The following ALCAM variants were observed in gnomAD, a reference collection of about 807,000 sequenced individuals.
The protein encoded by ALCAM is activated leukocyte cell adhesion molecule.
A neutral mutation model predicts 70.9 loss-of-function variants in ALCAM; 30 were observed. The ratio of observed to expected loss-of-function variants is 0.42; its 90% CI spans 0.32 to 0.57. The LOEUF (loss-of-function observed/expected upper bound fraction) is 0.57, where lower values mean the gene tolerates loss of function less well. ALCAM is among the 20% of genes least tolerant of loss of function. The probability of loss-of-function intolerance (pLI) is 0.11; values close to 1 mark genes in which losing one functional copy is unlikely to be tolerated. For synonymous variants in ALCAM, 249 were observed against 242.5 expected (o/e 1.03, Z -0.25); for missense variants, 591 against 695.1 (o/e 0.85, Z 1.68).
intron 3 of ALCAM, among the ~76,000 whole-genome samples, chr3:105,527,483 T>A (rs1014233889): frequency 5.3e-5 from 8 of 152,124 alleles, no homozygotes; most frequent in Non-Finnish European, 1.0e-4. Flanking sequence ...GATGCTAGGA[T>A]CTTGTTCATG....
chr3:105,375,939 AT>A (rs1380813892), intron 1 of ALCAM, among the ~76,000 whole-genome samples: 1 of 152,198 alleles, frequency 6.6e-6, no homozygotes, highest in Non-Finnish European at 1.5e-5. Flanking sequence ...TGTATTAACA[AT>A]TTTCACCTTC....
rs537492485 is a variant in ALCAM at position 105,385,657 on chromosome 3, T to G, written c.73+18176T>G. 8.6e-5 allele frequency among the ~76,000 whole-genome samples: 13 copies of G among 151,818 alleles called. No individual in the cohort carries two copies. The South Asian group carries it at 1.0e-3, about 12-fold the overall frequency. On this transcript the variant is annotated intron_variant, in intron 1 of 15. Coordinates refer to ENST00000306107, the MANE Select transcript of ALCAM (RefSeq NM_001627.4). ...AAAGAAACTTCCTACAGAGAAATTC[T>G]GATGCAAATATGTCTTGAAATCCAG...
chr3:105,408,714 C>T (rs139125309), intron 1 of ALCAM, among the ~76,000 whole-genome samples: 2 of 152,012 alleles, frequency 1.3e-5, no homozygotes, highest in East Asian at 3.9e-4. Flanking sequence ...CTTAATTAAA[C>T]TAAAAAGCTT....
chr3:105,547,048 A>G, intron 9 of ALCAM, 101 bp from the exon 10 acceptor site: 1 of 997,438 alleles, frequency 1.0e-6, no homozygotes, highest in Non-Finnish European at 1.4e-6. Flanking sequence ...TTGCATTTAT[A>G]TTATTCCCAG....
rs1938894770 is a variant in ALCAM, at chr3:105,500,649, A to C, written c.74-19418A>C. On this transcript the variant is annotated intron_variant, in intron 1 of 15. Coordinates refer to ENST00000306107, the MANE Select transcript of ALCAM (RefSeq NM_001627.4). ...AGAACAAATACATGATGTGGTGTTCATAAAAACAATATTGGATTAAGAGTC... is the reference window on the plus strand; with the variant it reads ...AGAACAAATACATGATGTGGTGTTCCTAAAAACAATATTGGATTAAGAGTC... Among the ~76,000 whole-genome samples, 3 of 152,232 alleles carry C rather than the reference A, an allele frequency of 2.0e-5. No individual in the cohort carries two copies. In the South Asian group the frequency reaches 6.2e-4, roughly 31 times the overall value.
intron 1 of ALCAM, among the ~76,000 whole-genome samples, chr3:105,401,401 A>G (rs1230350361): frequency 6.6e-6 from 1 of 152,228 alleles, no homozygotes; most frequent in East Asian, 1.9e-4. Flanking sequence ...GAGGAGCAGT[A>G]CAAAATGTTC....
chr3:105,477,513 C>A (rs1443805071), intron 1 of ALCAM, among the ~76,000 whole-genome samples: 2 of 151,924 alleles, frequency 1.3e-5, no homozygotes, highest in African/African-American at 2.4e-5. Flanking sequence ...TTTCTCTTGC[C>A]CATTTTAATA....
intron 1 of ALCAM, among the ~76,000 whole-genome samples, chr3:105,430,600 G>T (rs1417695909): frequency 6.6e-6 from 1 of 152,050 alleles, no homozygotes; most frequent in Non-Finnish European, 1.5e-5. Context: ...TACTGTCCTT[G>T]ATCCCCTGGC....
intron 1 of ALCAM, among the ~76,000 whole-genome samples, chr3:105,371,006 A>G (rs1935215183): frequency 6.6e-6 from 1 of 152,196 alleles, no homozygotes. Context: ...GACAGAAGGA[A>G]ATAGAAAATA....
intron 1 of ALCAM, among the ~76,000 whole-genome samples, chr3:105,398,767 A>G (rs1363036911): frequency 1.3e-5 from 2 of 152,004 alleles, no homozygotes; most frequent in East Asian, 1.9e-4. Flanking sequence ...AGCTGGTAAT[A>G]TTTACCAATT....
At chr3:105,536,249 A>G (rs1419339557) in intron 6 of ALCAM, among the ~76,000 whole-genome samples, 1 of 151,848 alleles carries the variant, frequency 6.6e-6, no homozygotes, top group Non-Finnish European at 1.5e-5. Context: ...GCATGCCACC[A>G]CACCCTGCTG....
At chr3:105,502,436 C>T (rs1938946779) in intron 1 of ALCAM, among the ~76,000 whole-genome samples, 2 of 152,124 alleles carry the variant, frequency 1.3e-5, no homozygotes, top group Admixed American at 6.5e-5. Context: ...GGCTTGAGGC[C>T]ATGCTTTTGG....
chr3:105,571,788 A>T (rs1940865782), intron 14 of ALCAM, 64 bp from the exon 15 acceptor site: 1 of 1,228,672 alleles, frequency 8.1e-7, no homozygotes, highest in Non-Finnish European at 1.1e-6. Flanking sequence ...CAAATCTTAA[A>T]ATTAAATATA....
chr3:105,432,014 GA>G (rs1344003354), intron 1 of ALCAM, among the ~76,000 whole-genome samples: 1 of 152,034 alleles, frequency 6.6e-6, no homozygotes, highest in African/African-American at 2.4e-5. Flanking sequence ...GAACAGGTCT[GA>G]AAAAACGAAA....
chr3:105,528,045 A>G (rs534085722), intron 3 of ALCAM, among the ~76,000 whole-genome samples: 7 of 152,298 alleles, frequency 4.6e-5, no homozygotes, highest in South Asian at 2.1e-4. Context: ...TTCATGATTT[A>G]TGAGGGGTGA....
Position 105,550,117 on chromosome 3 carries a change from C to T in ALCAM, c.1375-10C>T, listed in dbSNP as rs1268180832. On this transcript the variant is annotated splice_polypyrimidine_tract_variant and intron_variant, in intron 11 of 15. Coordinates refer to ENST00000306107, the MANE Select transcript of ALCAM (RefSeq NM_001627.4). Reference sequence around the variant, plus strand: ...GATTTCTAAACCCACCTTTTTTCTTCTTTTTCCAGACAGAGGAATCTCCTT... The same window carrying T: ...GATTTCTAAACCCACCTTTTTTCTTTTTTTTCCAGACAGAGGAATCTCCTT... 8 of 1,570,436 alleles carry T rather than the reference C, an allele frequency of 5.1e-6. No homozygotes were observed. The Admixed American group carries it at 5.5e-5, about 11-fold the overall frequency.
intron 1 of ALCAM, among the ~76,000 whole-genome samples, chr3:105,509,044 G>C (rs1396372339): frequency 6.6e-6 from 1 of 152,036 alleles, no homozygotes; most frequent in Non-Finnish European, 1.5e-5. Flanking sequence ...AAATGGCAGG[G>C]TCTCCTTTGT....
In ALCAM at chr3:105,552,561, A is replaced by T; in HGVS notation, c.1640A>T (p.Tyr547Phe). Residue 547 changes from tyrosine to phenylalanine, a missense_variant, in exon 14 of 16, where the codon TAC becomes TTC. By Grantham distance (22) the Tyr-to-Phe change is conservative. Transcript: ENST00000306107. The part of the protein sequence containing the change: ...LLAALVAGVV[Y>F]WLYMKKSKTA... ...GCTGCCCTTGTTGCTGGTGTCGTCT[A>T]CTGGCTGTACATGAAGAAGTCAAAG... is the stretch of plus-strand genomic sequence containing the variant. 1.2e-6 allele frequency: 2 copies of T among 1,611,540 alleles called. No homozygotes were observed. Among genetic ancestry groups the T allele is most frequent in the Non-Finnish European group, 1.7e-6 (2 of 1,178,190 alleles).
Position 105,552,568 on chromosome 3 carries a change from G to A in ALCAM, c.1647G>A (p.Leu549=), listed in dbSNP as rs1196740076. ...TTGTTGCTGGTGTCGTCTACTGGCT[G>A]TACATGAAGAAGTCAAAGTGAGTTG... The part of the protein sequence containing the change: ...AALVAGVVYW[L]YMKKSKTASK... The change falls in exon 14 of 16, where the codon CTG becomes CTA. Residue 549 remains leucine (L), a synonymous_variant. Coordinates refer to ENST00000306107, the MANE Select transcript of ALCAM (RefSeq NM_001627.4). The A allele has an allele frequency of 6.8e-6, 11 of 1,611,312 alleles. No individual in the cohort carries two copies. Among genetic ancestry groups the A allele is most frequent in the Non-Finnish European group, 9.3e-6 (11 of 1,178,148 alleles).
Sources: gnomAD v4.1 joint callset for allele counts (sites outside exome capture counted in the v4.1 genomes callset) on GRCh38, gnomAD v4.1.1 for gene constraint, MANE v1.5 for transcripts, NCBI Gene and HGNC (gene_info 2026-07-23, HGNC 2026-07-21) for gene names.